Variants in GOPC observed in about 807,000 individuals in gnomAD.
GOPC encodes golgi associated PDZ and coiled-coil motif containing, also known as Golgi-associated PDZ and coiled-coil motif-containing protein.
In GOPC, 32 loss-of-function variants were observed where a neutral mutation model predicts 51.2. The observed-to-expected ratio is 0.63, with a 90% CI of 0.47 to 0.84. The LOEUF (loss-of-function observed/expected upper bound fraction) is 0.84, where lower values mean the gene tolerates loss of function less well. Ranked by LOEUF, GOPC falls within the 40% of genes least tolerant of loss-of-function variation. The pLI, the probability that GOPC is intolerant of heterozygous loss-of-function variation, is 0.00. For missense variants in GOPC, 441 were observed against 555.5 expected (o/e 0.79, Z 2.07); for synonymous variants, 190 against 205.1 (o/e 0.93, Z 0.63).
In GOPC at chr6:117,563,343, C is replaced by A. The variant is rs1257626818; in HGVS notation, c.1300G>T (p.Asp434Tyr). The A allele has an allele frequency of 1.2e-6, 2 of 1,613,438 alleles. No homozygotes were observed. The highest frequency in any genetic ancestry group is 4.5e-5 in the East Asian group (2 of 44,880). The change falls in exon 9 of 9, where the codon GAC becomes TAC. Residue 434 changes from aspartate to tyrosine, a missense_variant. Transcript: ENST00000368498. The part of the protein sequence containing the change: ...KAVTDTHENG[D>Y]LGTASETPLD... The stretch of plus-strand genomic sequence containing the variant: ...GGAGTTTCACTTGCAGTGCCCAGGT[C>A]TCCATTTTCATGTGTGTCAGTTACT...
chr6:117,562,579 A>G lies in GOPC; in HGVS notation c.*675T>C, dbSNP rs1562134873. On this transcript the variant is annotated 3_prime_UTR_variant, in exon 9 of 9. Transcript: ENST00000368498. ...TTTCTTTTAAAAAACAAAAAAAGTAAAATGTTTAGTAACTTTTGAGAATCT... is the reference window on the plus strand; with the variant it reads ...TTTCTTTTAAAAAACAAAAAAAGTAGAATGTTTAGTAACTTTTGAGAATCT... 4.9e-6 allele frequency: 1 copy of G among 202,854 alleles called. No homozygotes were observed. The highest frequency in any genetic ancestry group is 1.0e-5 in the Non-Finnish European group (1 of 98,736). 12.6% of individuals were successfully genotyped at this position (202,854 alleles called of 1,614,324 possible).
At position 117,561,694 on chromosome 6, in the gene GOPC, A is replaced by C. The variant is rs1779587300; in HGVS notation, c.*1560T>G. ...GCTTTTGCTCAGAGACAATGCTATA[A>C]AGTATTTTAATGTCAGTAACAATAT... is the stretch of plus-strand genomic sequence containing the variant. On this transcript the variant is annotated 3_prime_UTR_variant, in exon 9 of 9. Transcript: ENST00000368498. 4.9e-6 allele frequency: 1 copy of C among 205,214 alleles called. No individual in the cohort carries two copies. Among genetic ancestry groups the C allele is most frequent in the African/African-American group, 2.3e-5 (1 of 43,814 alleles). The allele number at this position is 205,214 out of a possible 1,614,324, so 12.7% of individuals were successfully genotyped here.
intron 7 of GOPC, among the ~76,000 whole-genome samples, chr6:117,567,246 A>G (rs1318810688): frequency 2.0e-5 from 3 of 152,172 alleles, no homozygotes; most frequent in African/African-American, 7.2e-5. Flanking sequence ...TCCTTTAAAC[A>G]TTATAGTAGC....
chr6:117,596,843 T>C (rs1171927893), intron 1 of GOPC, among the ~76,000 whole-genome samples: 1 of 152,234 alleles, frequency 6.6e-6, no homozygotes, highest in Non-Finnish European at 1.5e-5. Context: ...TTTGTTCTTT[T>C]TGCTTAGTCT....
At chr6:117,570,810 G>T in intron 6 of GOPC, 50 bp downstream of exon 6, 1 of 813,134 alleles carries the variant, frequency 1.2e-6, no homozygotes, top group Non-Finnish European at 1.9e-6. Flanking sequence ...AAAGGAGCAT[G>T]ATTATACTAG....
Position 117,578,908 on chromosome 6 carries a change from C to A in GOPC, c.442G>T (p.Ala148Ser). 3 of 1,586,446 alleles carry A rather than the reference C, an allele frequency of 1.9e-6. No individual in the cohort carries two copies. Among genetic ancestry groups the A allele is most frequent in the Non-Finnish European group, 2.6e-6 (3 of 1,166,626 alleles). Residue 148 changes from alanine to serine, a missense_variant, in exon 2 of 9, where the codon GCA becomes TCA. Transcript: ENST00000368498. Reference sequence around the variant, plus strand: ...CTCTCTAAACTACTTACCAATTTTGCCTTAATGGTACCAGAGTCAGCACTT... The same window carrying A: ...CTCTCTAAACTACTTACCAATTTTGACTTAATGGTACCAGAGTCAGCACTT... ...GQSADSGTIK[A>S]KLSGPSVEEL... is the part of the protein sequence containing the mutation.
rs1265894336 is a variant in GOPC at position 117,590,593 on chromosome 6, AG to A, written c.285+11410del. 9.2e-4 allele frequency among the ~76,000 whole-genome samples: 138 copies of A among 150,258 alleles called. 1 individual carries two copies. The East Asian group carries it at 0.025, about 27-fold the overall frequency. ...TCTCAAAAAAAAAAAAAAAAAAAAA[AG>A]ATAAAAAGATTACATTTCCAATTGT... On this transcript the variant is annotated intron_variant, in intron 1 of 8. Coordinates refer to ENST00000368498, the MANE Select transcript of GOPC (RefSeq NM_020399.4).
At chr6:117,570,096 A>C (rs1779777248) in intron 6 of GOPC, among the ~76,000 whole-genome samples, 1 of 152,132 alleles carries the variant, frequency 6.6e-6, no homozygotes, top group Non-Finnish European at 1.5e-5. Context: ...ATATGAAAAT[A>C]TATGCAATGT....
At chr6:117,597,023 G>A (rs1210751087) in intron 1 of GOPC, among the ~76,000 whole-genome samples, 1 of 152,132 alleles carries the variant, frequency 6.6e-6, no homozygotes, top group East Asian at 1.9e-4. Flanking sequence ...CATGAGCATG[G>A]GATGTGTTTC....
Position 117,562,561 on chromosome 6 carries a change from TA to T in GOPC, c.*692del. 4.9e-6 allele frequency: 1 copy of T among 202,722 alleles called. No homozygotes were observed. The allele number at this position is 202,722 out of a possible 1,614,324, so 12.6% of individuals were successfully genotyped here. A position where few individuals can be genotyped will look rare whatever the true frequency, so the allele number is the denominator to read the frequency against. On this transcript the variant is annotated 3_prime_UTR_variant, in exon 9 of 9. Coordinates refer to ENST00000368498, the MANE Select transcript of GOPC (RefSeq NM_020399.4). ...GTTTTACACTCATCTGCATTTCTTTTAAAAAACAAAAAAAGTAAAATGTTTA... is the reference window on the plus strand; with the variant it reads ...GTTTTACACTCATCTGCATTTCTTTTAAAAACAAAAAAAGTAAAATGTTTA...
chr6:117,564,301 T>A (rs1381436865), intron 8 of GOPC, among the ~76,000 whole-genome samples: 1 of 152,178 alleles, frequency 6.6e-6, no homozygotes, highest in African/African-American at 2.4e-5. Flanking sequence ...GTAATACATA[T>A]AATTGTAAAA....
chr6:117,586,671 C>T (rs1341606613), intron 1 of GOPC, among the ~76,000 whole-genome samples: 7 of 151,524 alleles, frequency 4.6e-5, no homozygotes, highest in Non-Finnish European at 7.4e-5. Context: ...TTAGTAGAGA[C>T]GGGGTTTCAC....
Position 117,599,744 on chromosome 6 carries a change from T to G in GOPC, c.285+2260A>C, listed in dbSNP as rs1257028960. ...TAAACCAGGACATAAAGTCAGAATG[T>G]GTGATTTTAATTTCTGAAAAAAGAA... On this transcript the variant is annotated intron_variant, in intron 1 of 8. Coordinates refer to ENST00000368498, the MANE Select transcript of GOPC (RefSeq NM_020399.4). Among the ~76,000 whole-genome samples the G allele has an allele frequency of 2.0e-5, 3 of 152,192 alleles. No individual in the cohort carries two copies. In the East Asian group the frequency reaches 5.8e-4, roughly 29 times the overall value.
At chr6:117,584,065 TGATTTCAGCTCATTCCCA>T (rs1372377914) in intron 1 of GOPC, among the ~76,000 whole-genome samples, 3 of 152,240 alleles carry the variant, frequency 2.0e-5, no homozygotes, top group Non-Finnish European at 2.9e-5. Context: ...GCTACTCCAA[TGATTTCAGCTCATTCCCA>T]GGAATAGATT....
chr6:117,588,899 T>A (rs1780072651), intron 1 of GOPC, among the ~76,000 whole-genome samples: 1 of 151,886 alleles, frequency 6.6e-6, no homozygotes, highest in Non-Finnish European at 1.5e-5. Flanking sequence ...TCTGAGAACC[T>A]TGACTTAGAC....
chr6:117,587,805 A>G (rs1344795276), intron 1 of GOPC, among the ~76,000 whole-genome samples: 2 of 152,092 alleles, frequency 1.3e-5, no homozygotes, highest in African/African-American at 2.4e-5. Flanking sequence ...AGTGGCACCA[A>G]GCTCCATCAG....
At chr6:117,568,963 A>T (rs545957520) in intron 7 of GOPC, among the ~76,000 whole-genome samples, 5 of 152,234 alleles carry the variant, frequency 3.3e-5, no homozygotes, top group Admixed American at 3.3e-4. Context: ...CCTCAACTCT[A>T]TTCTTGAAAG....
Position 117,577,448 on chromosome 6 carries a change from C to T in GOPC, c.474G>A (p.Leu158=). The T allele has an allele frequency of 6.2e-7, 1 of 1,605,244 alleles. No individual in the cohort carries two copies. The highest frequency in any genetic ancestry group is 1.1e-5 in the South Asian group (1 of 89,468). ...AKLSGPSVEE[L]ERELEANKKE... ...AGCAAAACAGAAACAATATACTTAC[C>T]AGCTCCTCCACAGAGGGGCCAGACT... Residue 158 remains leucine, a splice_region_variant and synonymous_variant, in exon 3 of 9, where the codon CTG becomes CTA. Transcript: ENST00000368498.
chr6:117,576,768 GA>G (rs1271371393), intron 3 of GOPC, among the ~76,000 whole-genome samples: 9 of 151,884 alleles, frequency 5.9e-5, no homozygotes, highest in Non-Finnish European at 1.3e-4. Flanking sequence ...TAGATTTCCA[GA>G]AAAAAATTTT....
Sources: allele counts gnomAD v4.1 joint callset (sites outside exome capture counted in the v4.1 genomes callset), GRCh38; gene constraint gnomAD v4.1.1; transcripts MANE v1.5; gene names NCBI Gene and HGNC (gene_info 2026-07-23, HGNC 2026-07-21).